Variants in CCSER1 observed in about 807,000 individuals in gnomAD.
The protein encoded by CCSER1 is coiled-coil serine rich protein 1, also known as serine-rich coiled-coil domain-containing protein 1.
In CCSER1, 41 loss-of-function variants were observed where a neutral mutation model predicts 82.0. The observed-to-expected ratio is 0.50, with a 90% confidence interval of 0.39 to 0.65. The LOEUF is 0.65. Among genes scored for constraint, CCSER1 ranks in the 30% least tolerant of loss-of-function variants. The pLI is 0.00. For synonymous variants in CCSER1, 414 were observed against 383.9 expected (o/e 1.08, Z -0.92); for missense variants, 1,119 against 1,064.2 (o/e 1.05, Z -0.72).
At chr4:91,242,073 TTAAAC>T (rs1472378825) in intron 10 of CCSER1, among the ~76,000 whole-genome samples, 1 of 152,240 alleles carries the variant, frequency 6.6e-6, no homozygotes, top group African/African-American at 2.4e-5. Flanking sequence ...GAAAACCTCT[TTAAAC>T]TAAAGGGTAG....
chr4:90,703,396 T>A (rs1738577764), intron 6 of CCSER1, among the ~76,000 whole-genome samples: 1 of 152,196 alleles, frequency 6.6e-6, no homozygotes, highest in African/African-American at 2.4e-5. Flanking sequence ...CTTCCAACTA[T>A]GTGGTCAATT....
At chr4:90,650,932 A>C (rs1436662510) in intron 6 of CCSER1, among the ~76,000 whole-genome samples, 1 of 152,248 alleles carries the variant, frequency 6.6e-6, no homozygotes, top group Non-Finnish European at 1.5e-5. Context: ...AAGAACATAA[A>C]CTATGAAGTC....
At chr4:90,944,639 T>A (rs903936460) in intron 9 of CCSER1, among the ~76,000 whole-genome samples, 5 of 152,206 alleles carry the variant, frequency 3.3e-5, no homozygotes, top group African/African-American at 1.2e-4. Context: ...ATTGTGGCAT[T>A]TTCCAGAGTG....
chr4:90,420,810 T>C (rs1756572277), intron 4 of CCSER1, among the ~76,000 whole-genome samples: 1 of 152,096 alleles, frequency 6.6e-6, no homozygotes, highest in Non-Finnish European at 1.5e-5. Context: ...AAAAGGGCAG[T>C]CAATGGCCCA....
intron 10 of CCSER1, among the ~76,000 whole-genome samples, chr4:91,224,004 C>T (rs956924353): frequency 6.6e-6 from 1 of 150,412 alleles, no homozygotes; most frequent in African/African-American, 2.4e-5. Context: ...AAACAATATT[C>T]ATATTTGGAA....
chr4:90,424,915 T>C (rs1040468845), intron 4 of CCSER1, among the ~76,000 whole-genome samples: 3 of 152,252 alleles, frequency 2.0e-5, no homozygotes, highest in Non-Finnish European at 4.4e-5. Flanking sequence ...CTTCAAAATT[T>C]GAAACCAGGT....
chr4:90,521,055 G>A (rs75573991), intron 5 of CCSER1, among the ~76,000 whole-genome samples: 1,550 of 152,164 alleles, frequency 0.01, 23 homozygotes, highest in African/African-American at 0.035. Flanking sequence ...AATCTAATAC[G>A]CATTCTAGGA....
chr4:90,548,999 T>A (rs1015952852), intron 5 of CCSER1, among the ~76,000 whole-genome samples: 1 of 152,054 alleles, frequency 6.6e-6, no homozygotes, highest in African/African-American at 2.4e-5. Flanking sequence ...CCATGCTGGA[T>A]TGAATAACAA....
intron 5 of CCSER1, among the ~76,000 whole-genome samples, chr4:90,497,014 AAAT>A (rs1769136730): frequency 6.6e-6 from 1 of 151,422 alleles, no homozygotes; most frequent in Admixed American, 6.6e-5. Context: ...GAAATAAAGG[AAAT>A]AATAGTCATC....
intron 10 of CCSER1, among the ~76,000 whole-genome samples, chr4:91,496,508 T>C (rs113447198): frequency 0.011 from 1,609 of 142,066 alleles, 11 homozygotes; most frequent in Middle Eastern, 0.024. Context: ...TTGCCTGGTG[T>C]AAATGCTTTC....
intron 5 of CCSER1, among the ~76,000 whole-genome samples, chr4:90,558,354 T>C (rs1013250828): frequency 6.6e-6 from 1 of 152,120 alleles, no homozygotes; most frequent in African/African-American, 2.4e-5. Context: ...TGTAAAAACA[T>C]TTTATGTTTC....
At chr4:91,284,076 G>A (rs1017524268) in intron 10 of CCSER1, among the ~76,000 whole-genome samples, 27 of 152,096 alleles carry the variant, frequency 1.8e-4, no homozygotes, top group African/African-American at 6.3e-4. Context: ...GTGGCCAACT[G>A]CATTGAGACT....
chr4:90,663,656 TA>T (rs1731209817), intron 6 of CCSER1, among the ~76,000 whole-genome samples: 2 of 152,154 alleles, frequency 1.3e-5, no homozygotes, highest in Non-Finnish European at 2.9e-5. Flanking sequence ...GCCTATACTT[TA>T]TTATTCTTCA....
intron 9 of CCSER1, among the ~76,000 whole-genome samples, chr4:90,953,502 T>A (rs1396252143): frequency 6.6e-6 from 1 of 151,590 alleles, no homozygotes; most frequent in East Asian, 1.9e-4. Flanking sequence ...ATATTTTAGA[T>A]ATACAATTAT....
intron 5 of CCSER1, among the ~76,000 whole-genome samples, chr4:90,625,087 GCAGA>G (rs1190283724): frequency 6.6e-6 from 1 of 152,098 alleles, no homozygotes; most frequent in African/African-American, 2.4e-5. Flanking sequence ...TTCAGAGTTG[GCAGA>G]CAGAGTTATA....
intron 9 of CCSER1, among the ~76,000 whole-genome samples, chr4:90,928,612 C>A (rs1729353336): frequency 6.6e-6 from 1 of 151,932 alleles, no homozygotes; most frequent in African/African-American, 2.4e-5. Flanking sequence ...AAGAATAATT[C>A]TAAGTGTATA....
intron 6 of CCSER1, among the ~76,000 whole-genome samples, chr4:90,708,892 C>T (rs17017439): frequency 0.4 from 60,439 of 151,926 alleles, 12,827 homozygotes; most frequent in African/African-American, 0.56. Context: ...CCCTCAAACT[C>T]CTCAAGTGGT....
intron 10 of CCSER1, among the ~76,000 whole-genome samples, chr4:91,391,758 C>T (rs1751665562): frequency 6.6e-6 from 1 of 151,922 alleles, no homozygotes; most frequent in South Asian, 2.1e-4. Flanking sequence ...TTTGGTGGCC[C>T]AGAATTTGGT....
intron 4 of CCSER1, among the ~76,000 whole-genome samples, chr4:90,443,533 A>G (rs1310477584): frequency 6.6e-6 from 1 of 152,120 alleles, no homozygotes; most frequent in East Asian, 1.9e-4. Flanking sequence ...TTTACATTTA[A>G]TATTTTTGGA....
Sources: allele counts gnomAD v4.1 joint callset (sites outside exome capture counted in the v4.1 genomes callset), GRCh38; gene constraint gnomAD v4.1.1; transcripts MANE v1.5; gene names NCBI Gene and HGNC (gene_info 2026-07-23, HGNC 2026-07-21).